Variants in PPP1R37 observed in about 807,000 individuals in gnomAD.
The protein encoded by PPP1R37 is leucine rich repeat containing 68.
A neutral mutation model predicts 61.0 loss-of-function variants in PPP1R37; 21 were observed. That is an observed-to-expected ratio of 0.34 (90% CI 0.24 to 0.50). PPP1R37 has a LOEUF of 0.50. PPP1R37 is among the 20% of genes least tolerant of loss of function. PPP1R37 has a pLI of 0.98. For synonymous variants in PPP1R37, 443 were observed against 433.5 expected, an observed-to-expected ratio of 1.02 and a Z score of -0.27; for missense variants, 910 against 952.7, an observed-to-expected ratio of 0.96 and a Z score of 0.59.
intron 1 of PPP1R37, among the ~76,000 whole-genome samples, chr19:45,097,452 G>T (rs1968007078): frequency 6.6e-6 from 1 of 151,886 alleles, no homozygotes; most frequent in African/African-American, 2.4e-5. Context: ...CCAGTGCAGG[G>T]GTCTCCTTCA....
chr19:45,104,594 C>G (rs1394043290), intron 1 of PPP1R37, among the ~76,000 whole-genome samples: 1 of 152,208 alleles, frequency 6.6e-6, no homozygotes, highest in East Asian at 1.9e-4. Flanking sequence ...CTCCTGCTCC[C>G]TCTCCAACCC....
chr19:45,137,300 C>G (rs182338826), intron 1 of PPP1R37, among the ~76,000 whole-genome samples: 73 of 152,362 alleles, frequency 4.8e-4, no homozygotes, highest in Non-Finnish European at 9.3e-4. Context: ...GCAGCACATC[C>G]TATAATTACT....
rs1420336490 is a variant in PPP1R37 at position 45,135,613 on chromosome 19, G to A, written c.203-2901G>A. Among the ~76,000 whole-genome samples, 3 of 152,184 alleles carry A rather than the reference G, an allele frequency of 2.0e-5. No homozygotes were observed. The East Asian group carries it at 5.8e-4, about 29-fold the overall frequency. ...TAGGACTTGAACCCTGGCTTCAGCC[G>A]CCACAGAGGACAGCTTAGGGTGGGC... On this transcript the variant is annotated intron_variant, in intron 1 of 12. Transcript: ENST00000221462.
rs11295552 is a variant in PPP1R37, at chr19:45,127,352, C to CAA, written c.203-11139_203-11138dup. On this transcript the variant is annotated intron_variant, in intron 1 of 12. Transcript: ENST00000221462. ...GGGCAAGAAGAGTAAAACTCCATCTCAAAAAAAAAAAAAAAAAAAAAAAAC... is the reference window on the plus strand; with the variant it reads ...GGGCAAGAAGAGTAAAACTCCATCTCAAAAAAAAAAAAAAAAAAAAAAAAAAC... Among the ~76,000 whole-genome samples the CAA allele has an allele frequency of 3.2e-3, 222 of 69,224 alleles. 1 individual carries two copies. The highest frequency in any genetic ancestry group is 4.9e-3 in the African/African-American group (100 of 20,466). 45.4% of individuals were successfully genotyped at this position (69,224 alleles called of 152,430 possible).
In PPP1R37 at chr19:45,138,945, C is replaced by T. The variant is rs114612705; in HGVS notation, c.300+334C>T. Among the ~76,000 whole-genome samples the T allele has an allele frequency of 8.7e-3, 1,017 of 116,752 alleles. 10 individuals carry two copies. The highest frequency in any genetic ancestry group is 0.032 in the African/African-American group (913 of 28,792). 76.6% of individuals were successfully genotyped at this position (116,752 alleles called of 152,430 possible). On this transcript the variant is annotated intron_variant, in intron 2 of 12. Coordinates refer to ENST00000221462, the MANE Select transcript of PPP1R37 (RefSeq NM_019121.2). ...TTTTTTTTTTTGAGATGGAGTCTCG[C>T]TTTTGTCTCCCAGGCTGGAGTACAG...
chr19:45,103,720 A>G (rs1166324908), intron 1 of PPP1R37, among the ~76,000 whole-genome samples: 1 of 152,082 alleles, frequency 6.6e-6, no homozygotes, highest in Non-Finnish European at 1.5e-5. Context: ...GGTGGTGGTG[A>G]TGGAGGTGAT....
chr19:45,096,579 A>G (rs956175942), intron 1 of PPP1R37, among the ~76,000 whole-genome samples: 1 of 152,142 alleles, frequency 6.6e-6, no homozygotes, highest in African/African-American at 2.4e-5. Flanking sequence ...AGTCTTGAAG[A>G]GGCAGTGAAA....
Position 45,138,475 on chromosome 19 carries a change from G to A in PPP1R37, c.203-39G>A, listed in dbSNP as rs1017415397. The A allele has an allele frequency of 2.7e-6, 4 of 1,456,050 alleles. No homozygotes were observed. The African/African-American group carries it at 4.2e-5, about 15-fold the overall frequency. The allele number at this position is 1,456,050 out of a possible 1,614,324, so 90.2% of individuals were successfully genotyped here. A position where few individuals can be genotyped will look rare whatever the true frequency, so the allele number is the denominator to read the frequency against. ...GGTGGAGCCCCATGAAGGACTCGGG[G>A]TGTGGACAGTCACAGGCCTGGGTCC... is the stretch of plus-strand genomic sequence containing the variant. On this transcript the variant is annotated intron_variant, in intron 1 of 12. Coordinates refer to ENST00000221462, the MANE Select transcript of PPP1R37 (RefSeq NM_019121.2).
Position 45,138,553 on chromosome 19 carries a change from A to G in PPP1R37, c.242A>G (p.Lys81Arg), listed in dbSNP as rs1168123335. The G allele has an allele frequency of 5.9e-6, 9 of 1,529,124 alleles. No homozygotes were observed. The highest frequency in any genetic ancestry group is 2.4e-5 in the South Asian group (2 of 84,004). 94.7% of individuals were successfully genotyped at this position (1,529,124 alleles called of 1,614,324 possible). Residue 81 changes from lysine (K) to arginine (R), a missense_variant, in exon 2 of 13, where the codon AAG becomes AGG. Physicochemically the swap from Lys to Arg is conservative, Grantham distance 26. Coordinates refer to ENST00000221462, the MANE Select transcript of PPP1R37 (RefSeq NM_019121.2). ...GTGGACGAGGTCATCGGCGCCTACA[A>G]GCAGGCCTGCCAGAAGCTGAACTGC... Reference protein sequence around the residue: ...VTVDEVIGAYKQACQKLNCRQ... With the variant: ...VTVDEVIGAYRQACQKLNCRQ...
At position 45,143,599 on chromosome 19, in the gene PPP1R37, C is replaced by T. The variant is rs1968642699; in HGVS notation, c.953C>T (p.Thr318Met). The change falls in exon 8 of 13, where the codon ACG (threonine) becomes ATG (methionine). Residue 318 changes from threonine to methionine, a missense_variant. Physicochemically the swap from Thr to Met is moderately conservative, Grantham distance 81. This residue lies in a region of PPP1R37 where 280 missense variants were observed against 382.2 expected (regional missense o/e 0.73). Transcript: ENST00000221462. ...VTLVLWNNQL[T>M]HTGMAFLGMT... ...CTGGTGCTGTGGAACAACCAGCTCA[C>T]GCACACAGGCATGGCCTTCCTGGGC... is the stretch of plus-strand genomic sequence containing the variant. 3.9e-6 allele frequency: 6 copies of T among 1,535,582 alleles called. No homozygotes were observed. Among genetic ancestry groups the T allele is most frequent in the African/African-American group, 1.4e-5 (1 of 73,158 alleles).
At chr19:45,143,194 C>T in intron 7 of PPP1R37, 1 of 254,728 alleles carries the variant, frequency 3.9e-6, no homozygotes, top group Non-Finnish European at 7.7e-6. Context: ...AAATCTCCAG[C>T]CTGTCAGATG....
At chr19:45,136,280 T>A (rs929232680) in intron 1 of PPP1R37, 1 of 152,202 alleles carries the variant, frequency 6.6e-6, no homozygotes, top group Non-Finnish European at 1.5e-5. Flanking sequence ...TGGGAAAATA[T>A]CTGTCGTTTC....
chr19:45,103,636 G>C (rs1483937477), intron 1 of PPP1R37, among the ~76,000 whole-genome samples: 1 of 152,150 alleles, frequency 6.6e-6, no homozygotes, highest in Non-Finnish European at 1.5e-5. Flanking sequence ...AGGGAGGGAG[G>C]GTGGGAGAGT....
intron 1 of PPP1R37, among the ~76,000 whole-genome samples, chr19:45,095,000 T>G (rs530590544): frequency 6.6e-6 from 1 of 152,240 alleles, no homozygotes; most frequent in South Asian, 2.1e-4. Flanking sequence ...GTGGAGCCCA[T>G]GAAGTGAGGG....
At position 45,146,737 on chromosome 19, in the gene PPP1R37, G is replaced by A. The variant is rs1016032141; in HGVS notation, c.*175G>A. 16 of 441,048 alleles carry A rather than the reference G, an allele frequency of 3.6e-5. No individual in the cohort carries two copies. Among genetic ancestry groups the A allele is most frequent in the African/African-American group, 2.0e-4 (10 of 49,992 alleles). The allele number at this position is 441,048 out of a possible 1,614,324, so 27.3% of individuals were successfully genotyped here. Reference sequence around the variant, plus strand: ...AGGGGTGCAGGAGCTACAGGGAGTGGCCCTCCGCGCGTGACTCAAGCACTT... The same window carrying A: ...AGGGGTGCAGGAGCTACAGGGAGTGACCCTCCGCGCGTGACTCAAGCACTT... On this transcript the variant is annotated 3_prime_UTR_variant, in exon 13 of 13. Coordinates refer to ENST00000221462, the MANE Select transcript of PPP1R37 (RefSeq NM_019121.2).
intron 1 of PPP1R37, among the ~76,000 whole-genome samples, chr19:45,096,237 T>C (rs1271920631): frequency 2.0e-5 from 3 of 151,918 alleles, no homozygotes; most frequent in African/African-American, 7.3e-5. Flanking sequence ...TGGCAGTCAA[T>C]GCGTGGGCCT....
chr19:45,096,795 G>C (rs1031514539), intron 1 of PPP1R37, among the ~76,000 whole-genome samples: 2 of 152,152 alleles, frequency 1.3e-5, no homozygotes, highest in East Asian at 1.9e-4. Context: ...CGAGGAGTCC[G>C]TGCGTCTGAG....
rs779468781 is a variant in PPP1R37, at chr19:45,145,162, G to C, written c.1198G>C (p.Glu400Gln). The part of the protein sequence containing the change: ...RLLRLDLREN[E>Q]IKTGGLMALS... ...CCTGAGACTGGACCTTCGGGAGAAC[G>C]AGATCAAGACAGGCGGGCTCATGGC... The change falls in exon 10 of 13, where the codon GAG becomes CAG. Residue 400 changes from glutamate to glutamine, a missense_variant. Glu to Gln is a conservative substitution (Grantham distance 29, BLOSUM62 2). Coordinates refer to ENST00000221462, the MANE Select transcript of PPP1R37 (RefSeq NM_019121.2). The C allele has an allele frequency of 6.5e-6, 10 of 1,535,062 alleles. No homozygotes were observed. Among genetic ancestry groups the C allele is most frequent in the African/African-American group, 1.4e-5 (1 of 72,970 alleles).
chr19:45,128,523 G>A, intron 1 of PPP1R37: 2 of 1,098,904 alleles, frequency 1.8e-6, no homozygotes, highest in Non-Finnish European at 2.6e-6. Context: ...AGAAGACAAG[G>A]TTGAGTCAGT....
Sources: allele counts gnomAD v4.1 joint callset (sites outside exome capture counted in the v4.1 genomes callset), GRCh38; gene constraint gnomAD v4.1.1; regional missense constraint gnomAD v4.1.1; transcripts MANE v1.5; gene names NCBI Gene and HGNC (gene_info 2026-07-23, HGNC 2026-07-21).